The following ZFP1 variants were observed in gnomAD, a reference collection of about 807,000 sequenced individuals.
ZFP1 encodes zinc finger protein 1 homolog.
ZFP1 carries 32 observed loss-of-function variants against 38.5 expected under a neutral mutation model. That is an observed-to-expected ratio of 0.83 (90% CI 0.63 to 1.12). The LOEUF (loss-of-function observed/expected upper bound fraction) is 1.12. ZFP1 is among the 50% of genes most tolerant of loss of function. The pLI is 0.00. For missense variants in ZFP1, 616 were observed against 480.8 expected (o/e 1.28, Z -2.63); for synonymous variants, 245 against 168.8 (o/e 1.45, Z -3.50).
At chr16:75,135,260 C>CAAAAAGTGAATGGATGAACCAACTGTA in the ZFP1 span, among the ~76,000 whole-genome samples, 2 of 130,210 alleles carry the variant, frequency 1.5e-5, no homozygotes, top group Admixed American at 1.8e-4. Flanking sequence ...AGAGATCCTT[C>CAAAAAGTGAATGGATGAACCAACTGTA]ACTCATTCAT....
chr16:75,134,108 C>T, the ZFP1 span, among the ~76,000 whole-genome samples: 1 of 152,028 alleles, frequency 6.6e-6, no homozygotes, highest in South Asian at 2.1e-4. Context: ...GATTGGGGGA[C>T]AGGGAATTGA....
intron 2 of ZFP1, among the ~76,000 whole-genome samples, chr16:75,158,850 A>G (rs1471003927): frequency 6.6e-6 from 1 of 151,078 alleles, no homozygotes; most frequent in Non-Finnish European, 1.5e-5. Flanking sequence ...ATATATAGGT[A>G]CTGTCTACAT....
chr16:75,156,100 G>C (rs978432847), intron 2 of ZFP1, among the ~76,000 whole-genome samples: 4 of 152,136 alleles, frequency 2.6e-5, no homozygotes, highest in African/African-American at 9.7e-5. Context: ...AGCCTTACTG[G>C]GAGCAATGTG....
chr16:75,154,319 G>A (rs1405517578), intron 2 of ZFP1, among the ~76,000 whole-genome samples: 1 of 152,104 alleles, frequency 6.6e-6, no homozygotes, highest in Non-Finnish European at 1.5e-5. Context: ...ATGTACCACG[G>A]TTTATTTATC....
At chr16:75,147,532 T>C (rs1484787001), upstream of ZFP1, among the ~76,000 whole-genome samples, 1 of 151,844 alleles carries the variant, frequency 6.6e-6, no homozygotes, top group Admixed American at 6.6e-5. Flanking sequence ...AGCAATCTGC[T>C]TGCCTCAGGC....
chr16:75,152,783 A>C (rs2037272832), intron 1 of ZFP1, 126 bp from the exon 2 acceptor site: 1 of 792,260 alleles, frequency 1.3e-6, no homozygotes, highest in African/African-American at 1.8e-5. Flanking sequence ...TGAAGAGGCA[A>C]AGGGACTTTC....
chr16:75,162,851 T>C lies in ZFP1; in HGVS notation c.16-3919T>C, dbSNP rs558736178. Among the ~76,000 whole-genome samples, 19 of 152,362 alleles carry C rather than the reference T, an allele frequency of 1.2e-4. 1 individual carries two copies. The South Asian group carries it at 3.9e-3, about 32-fold the overall frequency. ...CAAAGGATATGATTTCATTCTTTTA[T>C]ATGGCTGTGGTTTTAAAATTTATAT... is the stretch of plus-strand genomic sequence containing the variant. On this transcript the variant is annotated intron_variant, in intron 2 of 3. Coordinates refer to ENST00000570010, the MANE Select transcript of ZFP1 (RefSeq NM_153688.4).
chr16:75,143,827 T>C (rs2036913789), upstream of ZFP1, among the ~76,000 whole-genome samples: 1 of 151,912 alleles, frequency 6.6e-6, no homozygotes, highest in South Asian at 2.1e-4. Context: ...AATTTTTGTT[T>C]ATTTTTTTGG....
chr16:75,144,412 A>G (rs1045911744), upstream of ZFP1, among the ~76,000 whole-genome samples: 5 of 152,190 alleles, frequency 3.3e-5, no homozygotes, highest in African/African-American at 9.7e-5. Flanking sequence ...TTCTCCTTAC[A>G]TATCACCACA....
chr16:75,163,055 G>C (rs1207017397), intron 2 of ZFP1, among the ~76,000 whole-genome samples: 1 of 151,598 alleles, frequency 6.6e-6, no homozygotes, highest in Non-Finnish European at 1.5e-5. Context: ...GATTACATGC[G>C]CCCACCACCA....
At chr16:75,142,876 A>G in the ZFP1 span, among the ~76,000 whole-genome samples, 4 of 151,686 alleles carry the variant, frequency 2.6e-5, no homozygotes, top group Non-Finnish European at 4.4e-5. Context: ...TAATTTTTAT[A>G]TTTTTAGTAG....
chr16:75,166,321 C>G (rs924638448), intron 2 of ZFP1, among the ~76,000 whole-genome samples: 1 of 152,148 alleles, frequency 6.6e-6, no homozygotes, highest in Non-Finnish European at 1.5e-5. Flanking sequence ...CAGCCTCTGC[C>G]TCCCGGGTTT....
intron 3 of ZFP1, among the ~76,000 whole-genome samples, chr16:75,167,202 G>A (rs969227251): frequency 6.6e-6 from 1 of 152,240 alleles, no homozygotes; most frequent in Non-Finnish European, 1.5e-5. Flanking sequence ...TTCTAAGGGA[G>A]ATAGGACGGG....
At chr16:75,166,615 A>G (rs2038096760) in intron 2 of ZFP1, 155 bp from the exon 3 acceptor site, 2 of 985,140 alleles carry the variant, frequency 2.0e-6, no homozygotes, top group Non-Finnish European at 2.4e-6. Context: ...ACTATTTATA[A>G]AAATATATTT....
In ZFP1 at chr16:75,152,919, A is replaced by C. The variant is rs147279319; in HGVS notation, c.-33A>C. 2 of 1,613,436 alleles carry C rather than the reference A, an allele frequency of 1.2e-6. No homozygotes were observed. The highest frequency in any genetic ancestry group is 1.7e-6 in the Non-Finnish European group (2 of 1,179,742). ...TTTCCTCTATTCCAGTTCTGCCTTC[A>C]TAGTTCTCTGCCTTTGCCCAAAACT... is the stretch of plus-strand genomic sequence containing the variant. On this transcript the variant is annotated 5_prime_UTR_variant, in exon 2 of 4. Coordinates refer to ENST00000570010, the MANE Select transcript of ZFP1 (RefSeq NM_153688.4).
At chr16:75,137,406 G>A in the ZFP1 span, among the ~76,000 whole-genome samples, 3 of 147,782 alleles carry the variant, frequency 2.0e-5, no homozygotes, top group Non-Finnish European at 4.5e-5. Context: ...GAGAGCAGAA[G>A]TTCAAGACCA....
At chr16:75,139,385 A>AACAAAAC in the ZFP1 span, among the ~76,000 whole-genome samples, 7 of 146,754 alleles carry the variant, frequency 4.8e-5, no homozygotes, top group African/African-American at 1.9e-4. Context: ...AAAAAAAAAA[A>AACAAAAC]AAAAAAAAAA....
the ZFP1 span, among the ~76,000 whole-genome samples, chr16:75,136,650 C>G: frequency 2.0e-5 from 3 of 152,156 alleles, no homozygotes; most frequent in Non-Finnish European, 4.4e-5. Context: ...AGGAGGATCA[C>G]TTGAACCCAG....
At chr16:75,120,630 T>C in the ZFP1 span, among the ~76,000 whole-genome samples, 1 of 152,002 alleles carries the variant, frequency 6.6e-6, no homozygotes, top group Non-Finnish European at 1.5e-5. Flanking sequence ...GAGTCTGAGT[T>C]TCACTCTGTC....
Sources: gnomAD v4.1 joint callset for allele counts (sites outside exome capture counted in the v4.1 genomes callset) on GRCh38, gnomAD v4.1.1 for gene constraint, MANE v1.5 for transcripts, NCBI Gene and HGNC (gene_info 2026-07-23, HGNC 2026-07-21) for gene names.